The following GLMN variants were observed in gnomAD, a reference collection of about 807,000 sequenced individuals.
GLMN encodes the protein glomulin, FKBP associated protein, also known as glomulin.
A neutral mutation model predicts 87.8 loss-of-function variants in GLMN; 75 were observed. The observed-to-expected ratio is 0.85, with a 90% CI of 0.71 to 1.04. The LOEUF is 1.04. GLMN is among the 50% of genes least tolerant of loss of function. The probability of loss-of-function intolerance (pLI) is 0.00; values close to 1 mark genes in which losing one functional copy is unlikely to be tolerated. For synonymous variants in GLMN, 206 were observed against 221.6 expected (o/e 0.93, Z 0.63); for missense variants, 588 against 658.8 (o/e 0.89, Z 1.18).
At chr1:92,313,078 G>T in the GLMN span, among the ~76,000 whole-genome samples, 1 of 152,170 alleles carries the variant, frequency 6.6e-6, no homozygotes, top group Admixed American at 6.5e-5. Flanking sequence ...TGTTGGCCAG[G>T]CTGGTCTCGA....
At chr1:92,301,650 C>G, upstream of GLMN, 1 of 638,686 alleles carries the variant, frequency 1.6e-6, no homozygotes, top group South Asian at 3.0e-5. Flanking sequence ...ATCTGTGCAG[C>G]ATGAAACTTC....
At chr1:92,314,938 G>A in the GLMN span, among the ~76,000 whole-genome samples, 1 of 151,906 alleles carries the variant, frequency 6.6e-6, no homozygotes, top group Non-Finnish European at 1.5e-5. Flanking sequence ...CCAGCTACTC[G>A]GGAGGCTGAG....
intron 16 of GLMN, among the ~76,000 whole-genome samples, chr1:92,253,204 A>AC (rs1553134105): frequency 6.6e-6 from 1 of 150,676 alleles, no homozygotes; most frequent in African/African-American, 2.4e-5. Flanking sequence ...TTGAAAAAAA[A>AC]CTTAAGCTCT....
At chr1:92,324,276 G>GA in the GLMN span, 2 of 1,613,850 alleles carry the variant, frequency 1.2e-6, no homozygotes, top group African/African-American at 1.3e-5. Flanking sequence ...ACGAGAATTT[G>GA]AAAAAAGAAA....
At chr1:92,320,173 G>A in the GLMN span, among the ~76,000 whole-genome samples, 3 of 152,224 alleles carry the variant, frequency 2.0e-5, no homozygotes, top group South Asian at 2.1e-4. Context: ...TTGGGCTGGT[G>A]GAATTTGAAC....
At chr1:92,284,469 C>T (rs1054063366) in intron 7 of GLMN, among the ~76,000 whole-genome samples, 1 of 152,038 alleles carries the variant, frequency 6.6e-6, no homozygotes, top group Non-Finnish European at 1.5e-5. Flanking sequence ...CAAAAATTAA[C>T]TCAAGATGGA....
chr1:92,322,134 C>T, the GLMN span, among the ~76,000 whole-genome samples: 2 of 151,370 alleles, frequency 1.3e-5, no homozygotes, highest in African/African-American at 4.8e-5. Context: ...TTAGTAGAGA[C>T]AGGGTTTCAC....
chr1:92,293,479 G>T (rs560441403), intron 3 of GLMN, among the ~76,000 whole-genome samples: 1 of 151,576 alleles, frequency 6.6e-6, no homozygotes, highest in South Asian at 2.1e-4. Flanking sequence ...CTAATTTTTT[G>T]TATTTTTTTT....
At chr1:92,255,830 A>G (rs1190504041) in intron 16 of GLMN, among the ~76,000 whole-genome samples, 1 of 152,112 alleles carries the variant, frequency 6.6e-6, no homozygotes, top group Non-Finnish European at 1.5e-5. Flanking sequence ...AAAATCGACG[A>G]CCTAACATCA....
chr1:92,305,985 A>C, the GLMN span, among the ~76,000 whole-genome samples: 2 of 152,224 alleles, frequency 1.3e-5, no homozygotes, highest in Non-Finnish European at 2.9e-5. Flanking sequence ...TGTATGTATA[A>C]AAATGTTTAT....
At chr1:92,338,640 G>A in the GLMN span, among the ~76,000 whole-genome samples, 2 of 137,840 alleles carry the variant, frequency 1.5e-5, no homozygotes, top group Non-Finnish European at 3.1e-5. Flanking sequence ...GGCAGAGGCT[G>A]ATCATTGATT....
chr1:92,320,472 C>G, the GLMN span: 2 of 615,558 alleles, frequency 3.2e-6, no homozygotes, highest in East Asian at 5.5e-5. Flanking sequence ...GGGGTTTCAC[C>G]ATGTTGGCCA....
the GLMN span, chr1:92,336,242 A>AT: frequency 1.4e-6 from 1 of 728,976 alleles, no homozygotes; most frequent in African/African-American, 1.8e-5. Context: ...GACTGCTTCC[A>AT]TCTAAATGCC....
chr1:92,268,052 T>C, intron 10 of GLMN, 50 bp from the exon 11 acceptor site: 1 of 1,377,038 alleles, frequency 7.3e-7, no homozygotes, highest in Non-Finnish European at 1.0e-6. Flanking sequence ...TCAACAGCTG[T>C]TATTTGTTGA....
the GLMN span, among the ~76,000 whole-genome samples, chr1:92,361,200 A>G: frequency 6.6e-6 from 1 of 151,978 alleles, no homozygotes; most frequent in Non-Finnish European, 1.5e-5. Context: ...CATTTATCCA[A>G]TATTGTGTTT....
chr1:92,310,433 G>A, the GLMN span, among the ~76,000 whole-genome samples: 2 of 152,096 alleles, frequency 1.3e-5, no homozygotes, highest in Non-Finnish European at 2.9e-5. Context: ...CATATGGCAT[G>A]GGATACAATA....
chr1:92,272,716 A>G lies in GLMN; in HGVS notation c.736-1064T>C, dbSNP rs141153774. On this transcript the variant is annotated intron_variant, in intron 7 of 18. Coordinates refer to ENST00000370360, the MANE Select transcript of GLMN (RefSeq NM_053274.3). ...TGATCTCTCAGTCATCAGGGTTCTC[A>G]TGTGAGACGAGAAAGAGAAGCATCC... Among the ~76,000 whole-genome samples the G allele has an allele frequency of 3.1e-3, 467 of 152,286 alleles. 3 individuals are homozygous for G. The highest frequency in any genetic ancestry group is 0.011 in the African/African-American group (452 of 41,558).
In GLMN at chr1:92,246,488, AAGT is replaced by A. The variant is rs2100758686; in HGVS notation, c.*39_*41del. On this transcript the variant is annotated 3_prime_UTR_variant, in exon 19 of 19. Transcript: ENST00000370360. ...AAGGTATTAAATGAATCATAATGGA[AAGT>A]ACTATATTTTATTAGTTTTTATTTA... The A allele has an allele frequency of 1.2e-6, 1 of 861,858 alleles. No individual in the cohort carries two copies. The highest frequency in any genetic ancestry group is 2.5e-5 in the East Asian group (1 of 40,714). The allele number at this position is 861,858 out of a possible 1,614,324, so 53.4% of individuals were successfully genotyped here. A position where few individuals can be genotyped will look rare whatever the true frequency, so the allele number is the denominator to read the frequency against.
chr1:92,324,413 A>G, the GLMN span: 33 of 1,476,904 alleles, frequency 2.2e-5, no homozygotes, highest in East Asian at 7.3e-4. Context: ...CAGATCGTTA[A>G]CATTTGGAAA....
Sources: gnomAD v4.1 joint callset for allele counts (sites outside exome capture counted in the v4.1 genomes callset) on GRCh38, gnomAD v4.1.1 for gene constraint, MANE v1.5 for transcripts, NCBI Gene and HGNC (gene_info 2026-07-23, HGNC 2026-07-21) for gene names.